PPP1R12C: variants seen among roughly 807,000 people sequenced by gnomAD.
PPP1R12C encodes the protein leukocyte receptor cluster (LRC) encoded novel gene 3.
Under a neutral mutation model 95.6 loss-of-function variants are expected in PPP1R12C, and 48 were observed. The ratio of observed to expected loss-of-function variants is 0.50; its 90% CI spans 0.40 to 0.64. PPP1R12C has a LOEUF of 0.64. PPP1R12C is among the 30% of genes least tolerant of loss of function. The pLI is 0.00. For missense variants in PPP1R12C, 1,057 were observed against 1,083.3 expected (o/e 0.98, Z 0.34); for synonymous variants, 480 against 460.8 (o/e 1.04, Z -0.53).
At chr19:55,113,808 T>G in intron 1 of PPP1R12C, 2 of 240,890 alleles carry the variant, frequency 8.3e-6, no homozygotes, top group South Asian at 1.5e-4. Flanking sequence ...TCCACCCAGT[T>G]GTCATGGCGA....
chr19:55,113,328 C>T, intron 1 of PPP1R12C: 4 of 1,231,946 alleles, frequency 3.2e-6, no homozygotes, highest in Non-Finnish European at 4.3e-6. Flanking sequence ...AGGAAGGCCA[C>T]CCTGTGCTGG....
intron 3 of PPP1R12C, among the ~76,000 whole-genome samples, chr19:55,107,016 A>G (rs927521006): frequency 1.1e-4 from 17 of 152,170 alleles, no homozygotes; most frequent in Non-Finnish European, 2.5e-4. Context: ...AGAGTTCAGC[A>G]GAGTGATAGA....
chr19:55,102,844 T>C (rs2084993159), intron 4 of PPP1R12C, among the ~76,000 whole-genome samples: 1 of 152,220 alleles, frequency 6.6e-6, no homozygotes, highest in Non-Finnish European at 1.5e-5. Flanking sequence ...TGGAACCCAT[T>C]CTCTGACCAC....
chr19:55,114,477 C>T (rs76088660), intron 1 of PPP1R12C: 12,101 of 152,634 alleles, frequency 0.079, 574 homozygotes, highest in Middle Eastern at 0.091. Flanking sequence ...GGATGCAGGA[C>T]GAGAAACACA....
chr19:55,096,547 G>A (rs1002514059), intron 6 of PPP1R12C, among the ~76,000 whole-genome samples: 3 of 152,076 alleles, frequency 2.0e-5, no homozygotes, highest in Non-Finnish European at 2.9e-5. Flanking sequence ...AGGCACTGCC[G>A]TCTTGTCCTC....
intron 4 of PPP1R12C, among the ~76,000 whole-genome samples, chr19:55,099,703 G>T (rs1466002881): frequency 6.6e-6 from 1 of 152,208 alleles, no homozygotes; most frequent in African/African-American, 2.4e-5. Context: ...CAAGGAGAGG[G>T]ACCTGACCCA....
Position 55,095,921 on chromosome 19 carries a change from G to C in PPP1R12C, c.1173C>G (p.Pro391=). The C allele has an allele frequency of 6.2e-7, 1 of 1,613,264 alleles. No homozygotes were observed. Among genetic ancestry groups the C allele is most frequent in the Non-Finnish European group, 8.5e-7 (1 of 1,179,944 alleles). ...EGPTEPPPAE[P]RTLNGVSSPP... is the part of the protein sequence containing the mutation. Reference sequence around the variant, plus strand: ...GGGAGGAGACGCCATTGAGGGTTCTGGGTTCTGCAGGGGGTGGTTCTGTGA... The same window carrying C: ...GGGAGGAGACGCCATTGAGGGTTCTCGGTTCTGCAGGGGGTGGTTCTGTGA... Residue 391 remains proline (P), a synonymous_variant, in exon 9 of 22, where the codon CCC becomes CCG. Coordinates refer to ENST00000263433, the MANE Select transcript of PPP1R12C (RefSeq NM_017607.4).
At chr19:55,106,339 G>A (rs2147202116) in intron 3 of PPP1R12C, among the ~76,000 whole-genome samples, 1 of 152,332 alleles carries the variant, frequency 6.6e-6, no homozygotes, top group East Asian at 1.9e-4. Flanking sequence ...CTCTCGGGCT[G>A]CCCAGGAGTG....
intron 12 of PPP1R12C, 77 bp from the exon 13 acceptor site, chr19:55,094,512 A>C (rs2084886869): frequency 6.3e-7 from 1 of 1,597,620 alleles, no homozygotes; most frequent in Non-Finnish European, 8.5e-7. Flanking sequence ...CTCCGCGGGA[A>C]GCAAGTTCTG....
chr19:55,096,435 G>A (rs2084913689), intron 6 of PPP1R12C, 100 bp from the exon 7 acceptor site: 8 of 1,381,876 alleles, frequency 5.8e-6, no homozygotes, highest in African/African-American at 1.4e-5. Flanking sequence ...GCCCAGGCGG[G>A]CACCGAGGGC....
intron 1 of PPP1R12C, among the ~76,000 whole-genome samples, chr19:55,115,868 T>C (rs1243052312): frequency 6.6e-6 from 1 of 152,086 alleles, no homozygotes; most frequent in African/African-American, 2.4e-5. Context: ...GGACACAGGA[T>C]CCCTGGAGGC....
intron 1 of PPP1R12C, chr19:55,113,085 C>A: frequency 1.8e-6 from 1 of 554,680 alleles, no homozygotes; most frequent in Non-Finnish European, 3.2e-6. Context: ...TGCGGGAACC[C>A]CACATGGTAC....
intron 11 of PPP1R12C, 132 bp downstream of exon 11, chr19:55,095,159 A>C (rs1044075994): frequency 9.5e-7 from 1 of 1,056,334 alleles, no homozygotes; most frequent in African/African-American, 1.6e-5. Context: ...CAAGAGGAAC[A>C]CAGCACAGGC....
At chr19:55,102,826 G>A (rs1298545147) in intron 4 of PPP1R12C, among the ~76,000 whole-genome samples, 1 of 152,212 alleles carries the variant, frequency 6.6e-6, no homozygotes, top group Non-Finnish European at 1.5e-5. Flanking sequence ...TCAAAAGCTA[G>A]AATCATATGG....
chr19:55,103,657 A>G (rs1003702649), intron 3 of PPP1R12C, 89 bp from the exon 4 acceptor site: 4 of 1,312,160 alleles, frequency 3.0e-6, no homozygotes, highest in Admixed American at 2.8e-5. Flanking sequence ...GGTTCAGCCC[A>G]GTGACTTGCC....
Position 55,091,833 on chromosome 19 carries a change from C to G in PPP1R12C, c.2211+26G>C, listed in dbSNP as rs559206020. The G allele has an allele frequency of 1.3e-5, 21 of 1,613,108 alleles. No homozygotes were observed. In the African/African-American group the frequency reaches 2.7e-4, roughly 20 times the overall value. ...GATGTGAGGCTGGGGACGCCTCTGG[C>G]CCCCATCCCCACTGCCCCTACTCAC... On this transcript the variant is annotated intron_variant, in intron 20 of 21. Transcript: ENST00000263433.
intron 4 of PPP1R12C, among the ~76,000 whole-genome samples, chr19:55,100,950 AT>A (rs2084973345): frequency 6.6e-6 from 1 of 152,128 alleles, no homozygotes; most frequent in African/African-American, 2.4e-5. Context: ...TGGTTACATT[AT>A]TTTAAAAATG....
intron 1 of PPP1R12C, chr19:55,114,985 G>A (rs902969670): frequency 6.6e-6 from 1 of 152,314 alleles, no homozygotes; most frequent in African/African-American, 2.4e-5. Context: ...GGCATGAGAT[G>A]GTGGACGAGG....
intron 3 of PPP1R12C, among the ~76,000 whole-genome samples, chr19:55,107,353 G>T (rs1031128912): frequency 2.6e-5 from 4 of 152,152 alleles, no homozygotes; most frequent in African/African-American, 9.7e-5. Context: ...GGCAGAGGTT[G>T]CAGTGAGTCA....
Sources: gnomAD v4.1 joint callset for allele counts (sites outside exome capture counted in the v4.1 genomes callset) on GRCh38, gnomAD v4.1.1 for gene constraint, MANE v1.5 for transcripts, NCBI Gene and HGNC (gene_info 2026-07-23, HGNC 2026-07-21) for gene names.